Variants in DOCK1 observed in about 807,000 individuals in gnomAD.
DOCK1 encodes dedicator of cytokinesis protein 1.
In DOCK1, 138 loss-of-function variants were observed where a neutral mutation model predicts 262.7. The ratio of observed to expected loss-of-function variants is 0.53; its 90% CI spans 0.46 to 0.61. The LOEUF is 0.61. Ranked by LOEUF, DOCK1 falls within the 20% of genes least tolerant of loss-of-function variation. DOCK1 has a pLI of 0.00. For missense variants in DOCK1, 1,908 were observed against 2,370.7 expected (o/e 0.80, Z 4.05); for synonymous variants, 866 against 867.4 (o/e 1.00, Z 0.03).
At chr10:127,238,377 T>G (rs754313017) in intron 27 of DOCK1, among the ~76,000 whole-genome samples, 3 of 152,192 alleles carry the variant, frequency 2.0e-5, no homozygotes, top group Non-Finnish European at 4.4e-5. Flanking sequence ...ATTGAGTGAG[T>G]GTCTTCGTCC....
At chr10:127,095,328 T>C (rs555287526) in intron 23 of DOCK1, among the ~76,000 whole-genome samples, 4 of 152,348 alleles carry the variant, frequency 2.6e-5, no homozygotes, top group African/African-American at 4.8e-5. Flanking sequence ...ACTCTGACCC[T>C]TCCTGTTCTT....
At chr10:127,320,386 T>TA in intron 29 of DOCK1, among the ~76,000 whole-genome samples, 1 of 152,294 alleles carries the variant, frequency 6.6e-6, no homozygotes, top group Admixed American at 6.5e-5. Flanking sequence ...AGCAGTTGCG[T>TA]AAGTCCTTGC....
chr10:127,204,616 T>TTTGGAAACTGAGTCAC (rs1238671284), intron 27 of DOCK1, among the ~76,000 whole-genome samples: 1 of 151,998 alleles, frequency 6.6e-6, no homozygotes, highest in African/African-American at 2.4e-5. Context: ...GAGATGGGCG[T>TTTGGAAACTGAGTCAC]TTGGAAACTG....
chr10:127,029,872 C>T (rs7084306), intron 16 of DOCK1, among the ~76,000 whole-genome samples: 35,959 of 151,934 alleles, frequency 0.24, 4,241 homozygotes, highest in Middle Eastern at 0.28. Flanking sequence ...TTTTTTGTTG[C>T]CGTTGTTTCC....
At chr10:127,261,782 T>C (rs1282164753) in intron 29 of DOCK1, among the ~76,000 whole-genome samples, 1 of 133,110 alleles carries the variant, frequency 7.5e-6, no homozygotes, top group East Asian at 2.5e-4. Context: ...TGTGTGTGTG[T>C]ACCTGCATGT....
chr10:127,356,729 G>A (rs1160428921), intron 32 of DOCK1, among the ~76,000 whole-genome samples: 1 of 152,100 alleles, frequency 6.6e-6, no homozygotes, highest in African/African-American at 2.4e-5. Context: ...TCATGAAGGA[G>A]GTGATATGAG....
In DOCK1 at chr10:126,996,846, C is replaced by T; in HGVS notation, c.572C>T (p.Ala191Val). The T allele has an allele frequency of 6.2e-7, 1 of 1,609,726 alleles. No homozygotes were observed. Among genetic ancestry groups the T allele is most frequent in the Non-Finnish European group, 8.5e-7 (1 of 1,178,388 alleles). ...AGTCTCTTCAGAGCTCATGAAATAG[C>T]TTCTAAACAAGTGGAGGAAAGGTTA... ...TISLFRAHEI[A>V]SKQVEERLQE... is the part of the protein sequence containing the mutation. The change falls in exon 7 of 52, where the codon GCT becomes GTT. Residue 191 changes from alanine to valine, a missense_variant. Ala to Val is a moderately conservative substitution (Grantham distance 64). Transcript: ENST00000623213.
chr10:127,315,824 G>A (rs1008081012), intron 29 of DOCK1, among the ~76,000 whole-genome samples: 2 of 152,016 alleles, frequency 1.3e-5, no homozygotes, highest in East Asian at 3.9e-4. Flanking sequence ...TCAGCCTACC[G>A]AGTAGCTGGG....
At chr10:127,139,691 C>T (rs927250765) in intron 27 of DOCK1, among the ~76,000 whole-genome samples, 4 of 152,182 alleles carry the variant, frequency 2.6e-5, no homozygotes, top group African/African-American at 9.7e-5. Flanking sequence ...CCTGCCTCTT[C>T]CACCTGATGC....
intron 25 of DOCK1, among the ~76,000 whole-genome samples, chr10:127,123,793 C>T (rs1298022572): frequency 5.3e-5 from 8 of 152,210 alleles, no homozygotes; most frequent in Non-Finnish European, 1.5e-5. Flanking sequence ...TGCTCTCCCT[C>T]ACTGACCTCC....
chr10:127,335,225 A>G (rs1474261817), intron 29 of DOCK1, among the ~76,000 whole-genome samples: 1 of 152,168 alleles, frequency 6.6e-6, no homozygotes, highest in African/African-American at 2.4e-5. Flanking sequence ...TTTACTCACA[A>G]TCTGGAGGGC....
At chr10:127,159,085 A>T (rs1353919260) in intron 27 of DOCK1, among the ~76,000 whole-genome samples, 1 of 152,166 alleles carries the variant, frequency 6.6e-6, no homozygotes, top group Non-Finnish European at 1.5e-5. Flanking sequence ...AAGCTATAAG[A>T]ACATAGACTC....
intron 29 of DOCK1, among the ~76,000 whole-genome samples, chr10:127,319,335 A>G (rs895441651): frequency 2.0e-5 from 3 of 152,234 alleles, no homozygotes; most frequent in South Asian, 2.1e-4. Context: ...ATGTGGGACA[A>G]TGGGGAAGAA....
intron 29 of DOCK1, among the ~76,000 whole-genome samples, chr10:127,261,192 G>GGT (rs147196926): frequency 0.44 from 42,939 of 97,750 alleles, 10,149 homozygotes; most frequent in East Asian, 0.49. Context: ...TGTGCATGCG[G>GGT]GTGTGTGTGT....
intron 27 of DOCK1, among the ~76,000 whole-genome samples, chr10:127,164,089 C>CG (rs1564856778): frequency 2.0e-5 from 3 of 149,542 alleles, no homozygotes; most frequent in African/African-American, 7.4e-5. Flanking sequence ...TCCCAGGGGA[C>CG]GCAGGGGTCA....
intron 1 of DOCK1, among the ~76,000 whole-genome samples, chr10:126,933,961 C>T (rs1225803779): frequency 1.3e-5 from 2 of 152,050 alleles, no homozygotes; most frequent in Admixed American, 1.3e-4. Flanking sequence ...ATCACAGTCA[C>T]CCACCACCAT....
At position 127,449,564 on chromosome 10, in the gene DOCK1, C is replaced by G. The variant is rs181275563; in HGVS notation, c.5566-1768C>G. On this transcript the variant is annotated intron_variant, in intron 51 of 51. Transcript: ENST00000623213. Reference sequence around the variant, plus strand: ...TGTGAATTCAATTAGATTAATGACCCAGGTGTCTTTGGTCTTTGTTTCTTG... The same window carrying G: ...TGTGAATTCAATTAGATTAATGACCGAGGTGTCTTTGGTCTTTGTTTCTTG... 1.6e-3 allele frequency among the ~76,000 whole-genome samples: 237 copies of G among 152,246 alleles called. 1 individual carries two copies. The highest frequency in any genetic ancestry group is 6.8e-3 in the Middle Eastern group (2 of 294).
chr10:127,251,300 A>G (rs973170736), intron 28 of DOCK1, among the ~76,000 whole-genome samples: 1 of 152,108 alleles, frequency 6.6e-6, no homozygotes, highest in African/African-American at 2.4e-5. Flanking sequence ...CTATTAAATA[A>G]AAGATTATTT....
At chr10:126,913,557 A>C (rs2032120279) in intron 1 of DOCK1, among the ~76,000 whole-genome samples, 1 of 152,256 alleles carries the variant, frequency 6.6e-6, no homozygotes. Flanking sequence ...GGGGCAAGGG[A>C]GGGGGCTTGG....
Sources: allele counts gnomAD v4.1 joint callset (sites outside exome capture counted in the v4.1 genomes callset), GRCh38; gene constraint gnomAD v4.1.1; transcripts MANE v1.5; gene names NCBI Gene and HGNC (gene_info 2026-07-23, HGNC 2026-07-21).